LRCH3: variants seen among roughly 807,000 people sequenced by gnomAD.
The protein encoded by LRCH3 is DISP complex protein LRCH3.
In LRCH3, 68 loss-of-function variants were observed where a neutral mutation model predicts 104.5. The observed-to-expected ratio is 0.65, with a 90% CI of 0.54 to 0.80. The LOEUF (loss-of-function observed/expected upper bound fraction) is 0.80, where lower values mean the gene tolerates loss of function less well. Ranked by LOEUF, LRCH3 falls within the 30% of genes least tolerant of loss-of-function variation. The pLI is 0.00. For missense variants in LRCH3, 951 were observed against 953.9 expected (o/e 1.00, Z 0.04); for synonymous variants, 344 against 361.3 (o/e 0.95, Z 0.54).
chr3:197,882,517 CAAAACAA>C lies in LRCH3; in HGVS notation c.2209-1005_2209-999del, dbSNP rs555210769. 5.2e-3 allele frequency: 4,470 copies of C among 862,730 alleles called. 231 individuals are homozygous for C. In the African/African-American group the frequency reaches 0.084, roughly 16 times the overall value. The allele number at this position is 862,730 out of a possible 1,614,324, so 53.4% of individuals were successfully genotyped here. On this transcript the variant is annotated intron_variant, in intron 20 of 20. Transcript: ENST00000425562. ...CTAGTAATATCGTCTCAATGAAAAG[CAAAACAA>C]AAAACAAAAAACAAAAAAACCCAAC...
At chr3:197,814,222 G>C (rs1272939987) in intron 1 of LRCH3, among the ~76,000 whole-genome samples, 1 of 152,132 alleles carries the variant, frequency 6.6e-6, no homozygotes, top group Non-Finnish European at 1.5e-5. Flanking sequence ...TTACTTACAC[G>C]GCAGCGGCAG....
intron 8 of LRCH3, among the ~76,000 whole-genome samples, chr3:197,834,425 A>G (rs1736406209): frequency 6.6e-6 from 1 of 152,226 alleles, no homozygotes; most frequent in Non-Finnish European, 1.5e-5. Context: ...AAATAGGACA[A>G]TCTTTGTTCT....
chr3:197,812,054 T>G (rs1266768810), intron 1 of LRCH3, among the ~76,000 whole-genome samples: 1 of 152,234 alleles, frequency 6.6e-6, no homozygotes, highest in Non-Finnish European at 1.5e-5. Context: ...TTATCCATTT[T>G]TAAGCATCTG....
chr3:197,834,532 T>G (rs1335686476), intron 8 of LRCH3, among the ~76,000 whole-genome samples: 2 of 152,224 alleles, frequency 1.3e-5, no homozygotes, highest in African/African-American at 2.4e-5. Context: ...TCCTACCTTT[T>G]CTCTTTTTTG....
intron 1 of LRCH3, among the ~76,000 whole-genome samples, chr3:197,814,256 G>C (rs1352333479): frequency 2.0e-5 from 3 of 152,206 alleles, no homozygotes; most frequent in African/African-American, 7.2e-5. Context: ...AGGAACAAAA[G>C]TGGAAACCCC....
intron 1 of LRCH3, among the ~76,000 whole-genome samples, chr3:197,814,303 A>T (rs1733564879): frequency 6.6e-6 from 1 of 152,234 alleles, no homozygotes; most frequent in Non-Finnish European, 1.5e-5. Context: ...CTTAGTCACT[A>T]TCACGAGAAT....
chr3:197,806,407 A>T (rs1287280019), intron 1 of LRCH3, among the ~76,000 whole-genome samples: 1 of 152,040 alleles, frequency 6.6e-6, no homozygotes, highest in Non-Finnish European at 1.5e-5. Context: ...GATTACAGGC[A>T]TGAGTGCCTG....
At chr3:197,843,867 A>G (rs1303632064) in intron 10 of LRCH3, among the ~76,000 whole-genome samples, 1 of 152,166 alleles carries the variant, frequency 6.6e-6, no homozygotes, top group East Asian at 1.9e-4. Context: ...TAAGCACTAT[A>G]GTGGTTCTGT....
intron 20 of LRCH3, among the ~76,000 whole-genome samples, chr3:197,880,007 G>C (rs984829372): frequency 6.7e-6 from 1 of 149,450 alleles, no homozygotes; most frequent in South Asian, 2.1e-4. Flanking sequence ...GTGCGGTGGC[G>C]CGATCTCGGC....
chr3:197,812,504 GTTTTTTTTT>G lies in LRCH3; in HGVS notation c.263-2386_263-2378del, dbSNP rs71623380. Reference sequence around the variant, plus strand: ...ATATCTGTTCAAGTCTCTGCTTTCAGTTTTTTTTTTTTTTTTTTTTTTTTTTAGGTGGAG... The same window carrying G: ...ATATCTGTTCAAGTCTCTGCTTTCAGTTTTTTTTTTTTTTTTTAGGTGGAG... On this transcript the variant is annotated intron_variant, in intron 1 of 20. Transcript: ENST00000425562. Among the ~76,000 whole-genome samples, 29 of 48,976 alleles carry G rather than the reference GTTTTTTTTT, an allele frequency of 5.9e-4. 3 individuals carry two copies. The highest frequency in any genetic ancestry group is 2.2e-3 in the South Asian group (2 of 892). The allele number at this position is 48,976 out of a possible 152,430, so 32.1% of individuals were successfully genotyped here.
intron 1 of LRCH3, among the ~76,000 whole-genome samples, chr3:197,801,641 A>T (rs1366398297): frequency 1.3e-5 from 2 of 152,102 alleles, no homozygotes; most frequent in South Asian, 4.2e-4. Context: ...CCCTGTGCAC[A>T]TTTTTTTATT....
chr3:197,880,753 G>T, intron 20 of LRCH3: 1 of 1,535,870 alleles, frequency 6.5e-7, no homozygotes, highest in Non-Finnish European at 8.7e-7. Context: ...TCATTCCTGT[G>T]CTTGGTAAAG....
chr3:197,795,688 T>G (rs1241290750), intron 1 of LRCH3, among the ~76,000 whole-genome samples: 2 of 128,810 alleles, frequency 1.6e-5, no homozygotes, highest in South Asian at 2.7e-4. Flanking sequence ...AAGTTGTTGT[T>G]TTTTTTTTTT....
intron 14 of LRCH3, among the ~76,000 whole-genome samples, chr3:197,857,609 C>T (rs1164215546): frequency 6.6e-6 from 1 of 152,218 alleles, no homozygotes; most frequent in African/African-American, 2.4e-5. Context: ...TATATCAGGT[C>T]TCATTTTAAA....
intron 4 of LRCH3, chr3:197,823,114 T>A (rs58316648): frequency 6.8e-5 from 2 of 29,388 alleles, no homozygotes; most frequent in African/African-American, 1.2e-4. Context: ...CCCGCCACCA[T>A]GCCCAGTTAA....
chr3:197,799,889 A>G lies in LRCH3; in HGVS notation c.262+8349A>G, dbSNP rs186531439. Reference sequence around the variant, plus strand: ...CTCGCTCTCAAAACAAAAACAAAAAACAAAAGAACAGGCCGGGTGCAGTGG... The same window carrying G: ...CTCGCTCTCAAAACAAAAACAAAAAGCAAAAGAACAGGCCGGGTGCAGTGG... On this transcript the variant is annotated intron_variant, in intron 1 of 20. Coordinates refer to ENST00000425562, the MANE Select transcript of LRCH3 (RefSeq NM_001365715.1). 1.7e-3 allele frequency among the ~76,000 whole-genome samples: 257 copies of G among 151,730 alleles called. 1 individual carries two copies. The Middle Eastern group carries it at 0.027, about 16-fold the overall frequency.
chr3:197,809,050 C>A (rs747918684), intron 1 of LRCH3, among the ~76,000 whole-genome samples: 2 of 151,792 alleles, frequency 1.3e-5, no homozygotes, highest in Non-Finnish European at 2.9e-5. Context: ...GTTATCCCAG[C>A]AGTTTGGGAG....
chr3:197,863,555 G>A (rs761750723), intron 15 of LRCH3, among the ~76,000 whole-genome samples: 29 of 152,214 alleles, frequency 1.9e-4, no homozygotes, highest in African/African-American at 6.5e-4. Flanking sequence ...CATCGCGCTC[G>A]GCCTATTCTA....
chr3:197,872,941 A>G (rs1712403218), intron 19 of LRCH3, among the ~76,000 whole-genome samples: 1 of 152,230 alleles, frequency 6.6e-6, no homozygotes, highest in East Asian at 1.9e-4. Flanking sequence ...ACAAGCCGGG[A>G]CTAAAGCCTG....
Sources: gnomAD v4.1 joint callset for allele counts (sites outside exome capture counted in the v4.1 genomes callset) on GRCh38, gnomAD v4.1.1 for gene constraint, MANE v1.5 for transcripts, NCBI Gene and HGNC (gene_info 2026-07-23, HGNC 2026-07-21) for gene names.